Variants in UST observed in about 807,000 individuals in gnomAD.
The protein encoded by UST is uronyl 2-sulfotransferase.
In UST, 21 loss-of-function variants were observed where a neutral mutation model predicts 45.6. The ratio of observed to expected loss-of-function variants is 0.46; its 90% CI spans 0.33 to 0.66. UST has a LOEUF of 0.66. Among genes scored for constraint, UST ranks in the 30% least tolerant of loss-of-function variants. The pLI is 0.02. For synonymous variants in UST, 215 were observed against 200.6 expected (o/e 1.07, Z -0.61); for missense variants, 463 against 512.4 (o/e 0.90, Z 0.93).
At chr6:148,875,621 T>C (rs1375730432) in intron 1 of UST, among the ~76,000 whole-genome samples, 1 of 152,132 alleles carries the variant, frequency 6.6e-6, no homozygotes, top group Non-Finnish European at 1.5e-5. Flanking sequence ...CTGGCCAACA[T>C]AGTGAAACCC....
intron 2 of UST, among the ~76,000 whole-genome samples, chr6:148,889,911 A>G (rs1375540178): frequency 6.7e-6 from 1 of 150,196 alleles, no homozygotes; most frequent in Non-Finnish European, 1.5e-5. Flanking sequence ...ACTCCCCCAT[A>G]TCTCCCCCAA....
rs868221224 is a variant in UST, at chr6:148,754,558, G to A, written c.247+6881G>A. Among the ~76,000 whole-genome samples the A allele has an allele frequency of 6.6e-5, 10 of 152,264 alleles. No individual in the cohort carries two copies. The South Asian group carries it at 1.0e-3, about 16-fold the overall frequency. On this transcript the variant is annotated intron_variant, in intron 1 of 7. Transcript: ENST00000367463. ...CCACTTATGAGTGAGAACATATGAT[G>A]TTGAGTTTTCCATTCCTGAGTTACC...
chr6:148,924,559 T>G (rs1326338425), intron 2 of UST, among the ~76,000 whole-genome samples: 1 of 152,184 alleles, frequency 6.6e-6, no homozygotes, highest in Middle Eastern at 3.2e-3. Context: ...AGACTGGCAC[T>G]TGGCTTTGGC....
chr6:148,784,112 T>C (rs529006638), intron 1 of UST, among the ~76,000 whole-genome samples: 24 of 152,310 alleles, frequency 1.6e-4, no homozygotes, highest in African/African-American at 5.5e-4. Flanking sequence ...GACTTTTATA[T>C]GTGAATAATT....
At chr6:149,062,846 A>G (rs887225928) in intron 7 of UST, among the ~76,000 whole-genome samples, 2 of 152,236 alleles carry the variant, frequency 1.3e-5, no homozygotes, top group Non-Finnish European at 2.9e-5. Context: ...AAGATTGAGC[A>G]AGGTAGTGAG....
intron 1 of UST, among the ~76,000 whole-genome samples, chr6:148,823,841 C>G (rs1257079451): frequency 6.6e-6 from 1 of 152,120 alleles, no homozygotes; most frequent in Admixed American, 6.5e-5. Flanking sequence ...GTTGATGATG[C>G]AGGATGTTCG....
chr6:148,987,073 T>A (rs1781251459), intron 5 of UST, among the ~76,000 whole-genome samples: 1 of 146,266 alleles, frequency 6.8e-6, no homozygotes, highest in African/African-American at 2.5e-5. Context: ...ATTGGAAAAA[T>A]GTGTTTTAAC....
At chr6:148,847,241 CAG>C (rs1446096155) in intron 1 of UST, among the ~76,000 whole-genome samples, 5 of 152,312 alleles carry the variant, frequency 3.3e-5, no homozygotes, top group African/African-American at 1.2e-4. Flanking sequence ...CATAACTTGA[CAG>C]AGTCTTCTGC....
chr6:149,059,397 G>A (rs1490779312), intron 7 of UST, among the ~76,000 whole-genome samples: 1 of 152,208 alleles, frequency 6.6e-6, no homozygotes, highest in East Asian at 1.9e-4. Flanking sequence ...TCTGCAGAAG[G>A]ACACGAAAGG....
At chr6:148,907,984 C>T (rs1779398682) in intron 2 of UST, among the ~76,000 whole-genome samples, 1 of 143,920 alleles carries the variant, frequency 6.9e-6, no homozygotes, top group Admixed American at 7.3e-5. Context: ...TCTTGGCTCA[C>T]TGCAACCTCC....
At chr6:148,775,082 A>G (rs1776505522) in intron 1 of UST, among the ~76,000 whole-genome samples, 1 of 152,094 alleles carries the variant, frequency 6.6e-6, no homozygotes, top group Non-Finnish European at 1.5e-5. Flanking sequence ...CTTCATAATG[A>G]TCTCACCTCT....
rs994974091 is a variant in UST, at chr6:149,074,273, G to A, written c.*157G>A. ...GTCATTGGGAGATGCCCGGTTTTGC[G>A]GGTTTTATTTGTTTAATTTTATTCT... On this transcript the variant is annotated 3_prime_UTR_variant, in exon 8 of 8. Transcript: ENST00000367463. The A allele has an allele frequency of 4.0e-5, 32 of 807,098 alleles. No homozygotes were observed. Among genetic ancestry groups the A allele is most frequent in the South Asian group, 3.4e-4 (18 of 52,248 alleles). The allele number at this position is 807,098 out of a possible 1,614,324, so 50.0% of individuals were successfully genotyped here.
chr6:148,997,312 G>A (rs1262047155), intron 5 of UST, among the ~76,000 whole-genome samples: 2 of 152,192 alleles, frequency 1.3e-5, no homozygotes, highest in Admixed American at 1.3e-4. Context: ...AAGAATCCAG[G>A]AAGCAGGACC....
At chr6:148,856,824 T>C (rs935786756) in intron 1 of UST, among the ~76,000 whole-genome samples, 8 of 152,280 alleles carry the variant, frequency 5.3e-5, no homozygotes, top group Middle Eastern at 3.4e-3. Context: ...ACTGTTACTG[T>C]GGTTGAATCC....
rs923544349 is a variant in UST, at chr6:148,887,329, G to A, written c.291+300G>A. Among the ~76,000 whole-genome samples, 8 of 152,188 alleles carry A rather than the reference G, an allele frequency of 5.3e-5. 1 individual carries two copies. Among genetic ancestry groups the A allele is most frequent in the South Asian group, 4.1e-4 (2 of 4,828 alleles). ...TTGCACCTCATTTTCATTTGCCTTG[G>A]CATCGATGCTGGCCCACAGTGTGAT... On this transcript the variant is annotated intron_variant, in intron 2 of 7. Coordinates refer to ENST00000367463, the MANE Select transcript of UST (RefSeq NM_005715.3).
chr6:148,889,725 G>T (rs549116039), intron 2 of UST, among the ~76,000 whole-genome samples: 40 of 152,264 alleles, frequency 2.6e-4, no homozygotes, highest in African/African-American at 8.9e-4. Flanking sequence ...TGGCCAGCCT[G>T]AGTCAACACT....
At chr6:148,837,001 T>C (rs56013352) in intron 1 of UST, among the ~76,000 whole-genome samples, 11,414 of 152,270 alleles carry the variant, frequency 0.075, 497 homozygotes, top group Non-Finnish European at 0.11. Flanking sequence ...TGATAACTCA[T>C]GAGGGCATAG....
chr6:148,801,862 CTCTG>C (rs967711244), intron 1 of UST, among the ~76,000 whole-genome samples: 277 of 152,264 alleles, frequency 1.8e-3, no homozygotes, highest in Non-Finnish European at 1.0e-3. Context: ...GTCAGGTTGA[CTCTG>C]TCTGTCAGGT....
At chr6:148,919,383 CTCTATCTCTCCATAGTGTGCTCAGTG>C (rs745341486) in intron 2 of UST, among the ~76,000 whole-genome samples, 157 of 151,864 alleles carry the variant, frequency 1.0e-3, no homozygotes, top group Non-Finnish European at 1.8e-3. Context: ...GGGAGAACCC[CTCTATCTCTCCATAGTGTGCTCAGTG>C]TCAGAGCCGT....
Sources: gnomAD v4.1 joint callset for allele counts (sites outside exome capture counted in the v4.1 genomes callset) on GRCh38, gnomAD v4.1.1 for gene constraint, MANE v1.5 for transcripts, NCBI Gene and HGNC (gene_info 2026-07-23, HGNC 2026-07-21) for gene names.